DOP1A: variants seen among roughly 807,000 people sequenced by gnomAD.
DOP1A encodes protein DOP1A.
A neutral mutation model predicts 267.6 loss-of-function variants in DOP1A; 90 were observed. The ratio of observed to expected loss-of-function variants is 0.34; its 90% CI spans 0.28 to 0.40. DOP1A has a LOEUF of 0.40. Among genes scored for constraint, DOP1A ranks in the 10% least tolerant of loss-of-function variants. The pLI is 1.00. For synonymous variants in DOP1A, 932 were observed against 999.1 expected, an observed-to-expected ratio of 0.93 and a Z score of 1.27; for missense variants, 2,437 against 2,900.4, an observed-to-expected ratio of 0.84 and a Z score of 3.67.
At chr6:83,164,096 G>A (rs959553689) in intron 38 of DOP1A, among the ~76,000 whole-genome samples, 1 of 147,146 alleles carries the variant, frequency 6.8e-6, no homozygotes, top group Non-Finnish European at 1.5e-5. Context: ...TGTCTGGTGA[G>A]ATCTAGTATG....
intron 1 of DOP1A, among the ~76,000 whole-genome samples, chr6:83,070,633 C>T (rs1175620494): frequency 1.3e-5 from 2 of 152,126 alleles, no homozygotes; most frequent in Non-Finnish European, 2.9e-5. Context: ...TAAATTATAC[C>T]TTTAAGACCT....
chr6:83,169,756 A>T (rs1205106727), downstream of DOP1A: 1 of 457,834 alleles, frequency 2.2e-6, no homozygotes, highest in South Asian at 1.5e-5. Context: ...CAGCGCACTC[A>T]CTGTACTTTG....
In DOP1A at chr6:83,132,288, G is replaced by A. The variant is rs890339323; in HGVS notation, c.2729G>A (p.Cys910Tyr). The part of the protein sequence containing the change: ...LHNLVPSSSI[C>Y]EDVISQQLTH... The stretch of plus-strand genomic sequence containing the variant: ...AACTTAGTTCCTTCTTCTAGCATCT[G>A]TGAGGATGTTATAAGTCAGCAGTTA... The change falls in exon 18 of 39, where the codon TGT (cysteine) becomes TAT (tyrosine). Residue 910 changes from cysteine to tyrosine, a missense_variant. Transcript: ENST00000349129. The A allele has an allele frequency of 7.4e-6, 12 of 1,613,442 alleles. No individual in the cohort carries two copies. Among genetic ancestry groups the A allele is most frequent in the Non-Finnish European group, 8.5e-6 (10 of 1,179,582 alleles).
downstream of DOP1A, chr6:83,168,975 G>C: frequency 8.1e-7 from 1 of 1,234,514 alleles, no homozygotes; most frequent in East Asian, 3.6e-5. Context: ...TGTACAGTTA[G>C]TGACTGAATT....
intron 1 of DOP1A, among the ~76,000 whole-genome samples, chr6:83,086,578 G>GA (rs1006274703): frequency 3.9e-5 from 6 of 151,950 alleles, no homozygotes; most frequent in African/African-American, 1.2e-4. Context: ...AACATAAACT[G>GA]AAAAAAAGAG....
At chr6:83,086,897 A>G (rs1159945621) in intron 1 of DOP1A, among the ~76,000 whole-genome samples, 2 of 151,742 alleles carry the variant, frequency 1.3e-5, no homozygotes, top group Non-Finnish European at 2.9e-5. Context: ...AGGAAAGGCT[A>G]TGGGTTTTAA....
chr6:83,154,213 T>A lies in DOP1A; in HGVS notation c.6423T>A (p.His2141Gln). ...CAATTATGGACAATCTGATGACACA[T>A]GATAAAACAACATTTAGAGATTTGA... ...WRAIMDNLMT[H>Q]DKTTFRDLMT... Residue 2141 changes from histidine to glutamine, a missense_variant, in exon 33 of 39, where the codon CAT becomes CAA. Physicochemically the swap from His to Gln is conservative, Grantham distance 24 (BLOSUM62 0). This residue lies in a region of DOP1A where 75 missense variants were observed against 149.6 expected (regional missense o/e 0.50). Coordinates refer to ENST00000349129, the MANE Select transcript of DOP1A (RefSeq NM_015018.4). 1 of 1,613,978 alleles carries A rather than the reference T, an allele frequency of 6.2e-7. No individual in the cohort carries two copies. The highest frequency in any genetic ancestry group is 1.1e-5 in the South Asian group (1 of 91,078).
chr6:83,096,532 C>A (rs1367391980), intron 1 of DOP1A, among the ~76,000 whole-genome samples, 199 bp from the exon 2 acceptor site: 1 of 151,076 alleles, frequency 6.6e-6, no homozygotes, highest in Non-Finnish European at 1.5e-5. Context: ...CTTTCTTCCC[C>A]TGTGTTCTTG....
chr6:83,109,126 G>C, intron 5 of DOP1A, 46 bp downstream of exon 5: 1 of 1,573,396 alleles, frequency 6.4e-7, no homozygotes, highest in Non-Finnish European at 8.6e-7. Flanking sequence ...TCATGGATTT[G>C]TCAGCAAGCA....
chr6:83,142,172 CT>C, intron 24 of DOP1A, 126 bp downstream of exon 24: 1 of 1,190,716 alleles, frequency 8.4e-7, no homozygotes, highest in Non-Finnish European at 1.2e-6. Context: ...CTGTCGACAG[CT>C]TTAGATAAAT....
intron 37 of DOP1A, chr6:83,161,166 A>C (rs180958147): frequency 1.3e-5 from 2 of 152,274 alleles, no homozygotes; most frequent in Admixed American, 6.5e-5. Flanking sequence ...ATGAAATAGT[A>C]TGCTCATGAT....
At chr6:83,152,929 G>A (rs1389731606) in intron 30 of DOP1A, among the ~76,000 whole-genome samples, 1 of 152,004 alleles carries the variant, frequency 6.6e-6, no homozygotes, top group African/African-American at 2.4e-5. Context: ...GGGGAGGGGT[G>A]GAGGTGATCT....
chr6:83,167,404 T>G, intron 38 of DOP1A: 1 of 982,208 alleles, frequency 1.0e-6, no homozygotes, highest in Non-Finnish European at 1.2e-6. Flanking sequence ...TTTAGGCCAT[T>G]TAGATAAAAG....
chr6:83,137,778 C>T lies in DOP1A; in HGVS notation c.3736C>T (p.His1246Tyr), dbSNP rs1174713894. The T allele has an allele frequency of 7.4e-6, 12 of 1,613,742 alleles. No homozygotes were observed. The African/African-American group carries it at 1.5e-4, about 20-fold the overall frequency. ...CTCACCTTGTATTTCAGGAACCACA[C>T]ACACTCTTCATGACTCTTCTGTTGC... ...SSSPCISGTT[H>Y]TLHDSSVASI... Residue 1246 changes from histidine (H) to tyrosine (Y), a missense_variant, in exon 21 of 39, where the codon CAC (histidine) becomes TAC (tyrosine). By Grantham distance (83) the His-to-Tyr change is moderately conservative. Coordinates refer to ENST00000349129, the MANE Select transcript of DOP1A (RefSeq NM_015018.4).
intron 23 of DOP1A, among the ~76,000 whole-genome samples, chr6:83,141,694 G>A (rs1779671140): frequency 6.6e-6 from 1 of 152,030 alleles, no homozygotes. Context: ...ACAGTGAATA[G>A]ACTTTTATTT....
intron 7 of DOP1A, among the ~76,000 whole-genome samples, chr6:83,114,622 C>G (rs1018968410): frequency 6.6e-6 from 1 of 151,996 alleles, no homozygotes; most frequent in Admixed American, 6.5e-5. Context: ...ATCATTAGGC[C>G]CTCAATTGAC....
intron 7 of DOP1A, among the ~76,000 whole-genome samples, chr6:83,118,419 T>C (rs987079059): frequency 3.3e-5 from 5 of 152,136 alleles, no homozygotes; most frequent in Non-Finnish European, 2.9e-5. Context: ...CGGTTTATTA[T>C]TTTGTTTTCT....
At chr6:83,085,935 ACT>A (rs1229675197) in intron 1 of DOP1A, among the ~76,000 whole-genome samples, 1 of 151,996 alleles carries the variant, frequency 6.6e-6, no homozygotes, top group African/African-American at 2.4e-5. Context: ...AATTATGCAG[ACT>A]CTCAAGAATA....
At chr6:83,142,847 C>G (rs1267189244) in intron 24 of DOP1A, among the ~76,000 whole-genome samples, 1 of 151,840 alleles carries the variant, frequency 6.6e-6, no homozygotes, top group Non-Finnish European at 1.5e-5. Flanking sequence ...TTCTGAGTTT[C>G]AAAGCTCAAG....
Sources: gnomAD v4.1 joint callset for allele counts (sites outside exome capture counted in the v4.1 genomes callset) on GRCh38, gnomAD v4.1.1 for gene constraint, gnomAD v4.1.1 regional missense constraint, MANE v1.5 for transcripts, NCBI Gene and HGNC (gene_info 2026-07-23, HGNC 2026-07-21) for gene names.